Variants in LHX9 observed in about 807,000 individuals in gnomAD.
LHX9 encodes LIM/homeobox protein Lhx9.
In LHX9, 9 loss-of-function variants were observed where a neutral mutation model predicts 36.5. That is an observed-to-expected ratio of 0.25 (90% CI 0.15 to 0.43). The LOEUF (loss-of-function observed/expected upper bound fraction) is 0.43. LHX9 is among the 20% of genes least tolerant of loss of function. LHX9 has a pLI of 1.00. For missense variants in LHX9, 464 were observed against 526.4 expected, an observed-to-expected ratio of 0.88 and a Z score of 1.16; for synonymous variants, 211 against 212.1, an observed-to-expected ratio of 0.99 and a Z score of 0.04.
intron 3 of LHX9, among the ~76,000 whole-genome samples, chr1:197,926,614 T>TAAG (rs1053050413): frequency 6.6e-6 from 1 of 152,228 alleles, no homozygotes; most frequent in African/African-American, 2.4e-5. Flanking sequence ...CCCTTGGTGC[T>TAAG]AAGAAAGTCT....
In LHX9 at chr1:197,917,381, C is replaced by T. The variant is rs945113171; in HGVS notation, c.-443C>T. Reference sequence around the variant, plus strand: ...CAGCTCAGGCAGGAGCAGTCCCCAACCCAATCTACAGGCACTGGGAACTTG... The same window carrying T: ...CAGCTCAGGCAGGAGCAGTCCCCAATCCAATCTACAGGCACTGGGAACTTG... On this transcript the variant is annotated 5_prime_UTR_variant, in exon 1 of 5. Transcript: ENST00000367387. 10 of 1,306,468 alleles carry T rather than the reference C, an allele frequency of 7.7e-6. No homozygotes were observed. The African/African-American group carries it at 1.4e-4, about 18-fold the overall frequency. 80.9% of individuals were successfully genotyped at this position (1,306,468 alleles called of 1,614,324 possible).
rs980540699 is a variant in LHX9 at position 197,932,758 on chromosome 1, A to C, written c.*3499A>C. ...TTACTTACTTGGTTTTTACCTTTTC[A>C]TGACTTATTTTCATTTGTTGTATTC... On this transcript the variant is annotated 3_prime_UTR_variant, in exon 5 of 5. Coordinates refer to ENST00000367387, the MANE Select transcript of LHX9 (RefSeq NM_020204.3). 6.6e-6 allele frequency: 1 copy of C among 152,062 alleles called. No individual in the cohort carries two copies. Among genetic ancestry groups the C allele is most frequent in the African/African-American group, 2.4e-5 (1 of 41,456 alleles). The allele number at this position is 152,062 out of a possible 1,614,324, so 9.4% of individuals were successfully genotyped here.
At chr1:197,912,900 T>C (rs41269899), upstream of LHX9, 3,220 of 361,176 alleles carry the variant, frequency 8.9e-3, 36 homozygotes, top group Non-Finnish European at 0.013. Context: ...GGGGAGCTGC[T>C]GGGGGTGTCT....
chr1:197,931,264 T>A lies in LHX9; in HGVS notation c.*2005T>A, dbSNP rs995080214. On this transcript the variant is annotated 3_prime_UTR_variant, in exon 5 of 5. Coordinates refer to ENST00000367387, the MANE Select transcript of LHX9 (RefSeq NM_020204.3). ...ACAAACATGTCATAGAAAGCAGTTG[T>A]GCACTCTTTCAAATATAGTTGATAA... 1 of 152,056 alleles carries A rather than the reference T, an allele frequency of 6.6e-6. No individual in the cohort carries two copies. The highest frequency in any genetic ancestry group is 1.5e-5 in the Non-Finnish European group (1 of 67,886). 9.4% of individuals were successfully genotyped at this position (152,056 alleles called of 1,614,324 possible).
chr1:197,918,393 G>A (rs548704189), intron 1 of LHX9: 1 of 717,024 alleles, frequency 1.4e-6, no homozygotes, highest in African/African-American at 1.7e-5. Context: ...CTGCCGAGGC[G>A]TCCGAGCCAA....
chr1:197,924,867 T>C (rs1476426063), intron 3 of LHX9, among the ~76,000 whole-genome samples: 2 of 152,196 alleles, frequency 1.3e-5, no homozygotes, highest in East Asian at 3.8e-4. Flanking sequence ...CAGGTAGATA[T>C]TTAAGACAGT....
chr1:197,934,418 T>C lies in LHX9; in HGVS notation c.*5159T>C, dbSNP rs1010245083. The C allele has an allele frequency of 4.6e-5, 7 of 152,326 alleles. No individual in the cohort carries two copies. Among genetic ancestry groups the C allele is most frequent in the East Asian group, 1.9e-4 (1 of 5,190 alleles). The allele number at this position is 152,326 out of a possible 1,614,324, so 9.4% of individuals were successfully genotyped here. A position where few individuals can be genotyped will look rare whatever the true frequency, so the allele number is the denominator to read the frequency against. On this transcript the variant is annotated 3_prime_UTR_variant, in exon 5 of 5. Coordinates refer to ENST00000367387, the MANE Select transcript of LHX9 (RefSeq NM_020204.3). ...AAAGAGAATATTAGGGATAATACTG[T>C]TGTAAAAAATAAATATAAACACCTA...
At chr1:197,919,709 C>A (rs1659906748) in intron 1 of LHX9, among the ~76,000 whole-genome samples, 3 of 152,354 alleles carry the variant, frequency 2.0e-5, no homozygotes, top group African/African-American at 4.8e-5. Flanking sequence ...CCTTTTTAAG[C>A]GAGGCTCCGG....
In LHX9 at chr1:197,929,983, A is replaced by G; in HGVS notation, c.*724A>G. On this transcript the variant is annotated 3_prime_UTR_variant, in exon 5 of 5. Coordinates refer to ENST00000367387, the MANE Select transcript of LHX9 (RefSeq NM_020204.3). ...TGAAAAATACTTAAGCTCCCTATGTATCCATGAAAATTCCGCATTGATTTT... is the reference window on the plus strand; with the variant it reads ...TGAAAAATACTTAAGCTCCCTATGTGTCCATGAAAATTCCGCATTGATTTT... 3.0e-6 allele frequency: 3 copies of G among 984,748 alleles called. No individual in the cohort carries two copies. Among genetic ancestry groups the G allele is most frequent in the Non-Finnish European group, 3.6e-6 (3 of 829,218 alleles). The allele number at this position is 984,748 out of a possible 1,614,324, so 61.0% of individuals were successfully genotyped here.
upstream of LHX9, chr1:197,912,931 G>A (rs1659658198): frequency 6.7e-6 from 2 of 296,764 alleles, no homozygotes; most frequent in Admixed American, 4.9e-5. Context: ...AGGGATGGAA[G>A]GGGGGCCGAG....
At position 197,927,569 on chromosome 1, in the gene LHX9, T is replaced by C. The variant is rs757382235; in HGVS notation, c.734-22T>C. 3.7e-6 allele frequency: 6 copies of C among 1,606,754 alleles called. No homozygotes were observed. In the East Asian group the frequency reaches 1.1e-4, roughly 30 times the overall value. Reference sequence around the variant, plus strand: ...GCAAGAATTTCCACTGAGCAGTTGTTTGTTCACTGTTACTGCAACAGGTTG... The same window carrying C: ...GCAAGAATTTCCACTGAGCAGTTGTCTGTTCACTGTTACTGCAACAGGTTG... On this transcript the variant is annotated intron_variant, in intron 3 of 4. Coordinates refer to ENST00000367387, the MANE Select transcript of LHX9 (RefSeq NM_020204.3).
Position 197,921,631 on chromosome 1 carries a change from G to A in LHX9, c.705G>A (p.Leu235=), listed in dbSNP as rs553151011. 13 of 1,595,862 alleles carry A rather than the reference G, an allele frequency of 8.1e-6. No individual in the cohort carries two copies. In the East Asian group the frequency reaches 2.0e-4, roughly 25 times the overall value. The change falls in exon 3 of 5, where the codon CTG becomes CTA. Residue 235 remains leucine (L), a synonymous_variant. Transcript: ENST00000367387. The surrounding 1 kb of genome is among the most constrained non-coding windows in gnomAD (Gnocchi z 4.6). ...CCCGGAAGCGGAAGAGCCCAGCGCTGGGAGTGGACATCGTCAATTACAACT... is the reference window on the plus strand; with the variant it reads ...CCCGGAAGCGGAAGAGCCCAGCGCTAGGAGTGGACATCGTCAATTACAACT... ...GRPRKRKSPA[L]GVDIVNYNSG...
intron 3 of LHX9, among the ~76,000 whole-genome samples, chr1:197,924,744 G>A (rs953591292): frequency 1.3e-5 from 2 of 152,138 alleles, no homozygotes; most frequent in Non-Finnish European, 2.9e-5. Context: ...ATTCTCAGAA[G>A]GTTACATACC....
At chr1:197,927,253 G>T (rs1229584910) in intron 3 of LHX9, among the ~76,000 whole-genome samples, 1 of 152,132 alleles carries the variant, frequency 6.6e-6, no homozygotes, top group Non-Finnish European at 1.5e-5. Flanking sequence ...ATTAGAAAAG[G>T]GTTTCTTCTT....
At chr1:197,925,557 G>T (rs1022017391) in intron 3 of LHX9, among the ~76,000 whole-genome samples, 8 of 152,238 alleles carry the variant, frequency 5.3e-5, no homozygotes, top group African/African-American at 1.9e-4. Context: ...TTATAATCTG[G>T]TTATGAAATA....
At chr1:197,918,325 C>CG (rs1300705749) in intron 1 of LHX9, 1 of 717,356 alleles carries the variant, frequency 1.4e-6, no homozygotes, top group Non-Finnish European at 2.6e-6. Context: ...GGCGTCTCCC[C>CG]GGCGAGGATC....
Position 197,929,785 on chromosome 1 carries a change from C to A in LHX9, c.*526C>A. ...TTGTTTTTAGTATTTCTATTTCTTACCTGAACTGTTAATTCAAGTGAGGAA... is the reference window on the plus strand; with the variant it reads ...TTGTTTTTAGTATTTCTATTTCTTAACTGAACTGTTAATTCAAGTGAGGAA... On this transcript the variant is annotated 3_prime_UTR_variant, in exon 5 of 5. Coordinates refer to ENST00000367387, the MANE Select transcript of LHX9 (RefSeq NM_020204.3). 1 of 942,518 alleles carries A rather than the reference C, an allele frequency of 1.1e-6. No homozygotes were observed. Among genetic ancestry groups the A allele is most frequent in the Non-Finnish European group, 1.3e-6 (1 of 790,928 alleles). The allele number at this position is 942,518 out of a possible 1,614,324, so 58.4% of individuals were successfully genotyped here.
chr1:197,924,750 A>G (rs951934322), intron 3 of LHX9, among the ~76,000 whole-genome samples: 1 of 152,202 alleles, frequency 6.6e-6, no homozygotes, highest in Admixed American at 6.5e-5. Flanking sequence ...AGAAGGTTAC[A>G]TACCTTCACA....
In LHX9 at chr1:197,931,705, A is replaced by C; in HGVS notation, c.*2446A>C. ...GAATATATTTGCTTATAACAAAAGT[A>C]ATGCCCCACTGATTTGACTCAGTCC... On this transcript the variant is annotated 3_prime_UTR_variant, in exon 5 of 5. Transcript: ENST00000367387. 2.3e-6 allele frequency: 1 copy of C among 443,614 alleles called. No homozygotes were observed. Among genetic ancestry groups the C allele is most frequent in the Non-Finnish European group, 4.1e-6 (1 of 243,840 alleles). The allele number at this position is 443,614 out of a possible 1,614,324, so 27.5% of individuals were successfully genotyped here.
Sources: gnomAD v4.1 joint callset for allele counts (sites outside exome capture counted in the v4.1 genomes callset) on GRCh38, gnomAD v4.1.1 for gene constraint, Gnocchi (gnomAD v3.1) non-coding constraint, MANE v1.5 for transcripts, NCBI Gene and HGNC (gene_info 2026-07-23, HGNC 2026-07-21) for gene names.